The following BPIFB1 variants were observed in gnomAD, a reference collection of about 807,000 sequenced individuals.
BPIFB1 encodes the protein BPI fold containing family B member 1, also known as BPI fold-containing family B member 1.
In BPIFB1, 34 loss-of-function variants were observed where a neutral mutation model predicts 55.1. The ratio of observed to expected loss-of-function variants is 0.62; its 90% CI spans 0.47 to 0.82. The LOEUF (loss-of-function observed/expected upper bound fraction) is 0.82. BPIFB1 is among the 40% of genes least tolerant of loss of function. The pLI, the probability that BPIFB1 is intolerant of heterozygous loss-of-function variation, is 0.00. For synonymous variants in BPIFB1, 236 were observed against 245.3 expected (o/e 0.96, Z 0.35); for missense variants, 532 against 593.1 (o/e 0.90, Z 1.07).
At chr20:33,304,388 G>C (rs1224986959) in intron 12 of BPIFB1, among the ~76,000 whole-genome samples, 2 of 152,232 alleles carry the variant, frequency 1.3e-5, no homozygotes, top group Non-Finnish European at 2.9e-5. Flanking sequence ...AGTGAGTGCA[G>C]GGGCTGCCAG....
chr20:33,285,219 G>T (rs2146524451), intron 1 of BPIFB1, among the ~76,000 whole-genome samples: 1 of 152,206 alleles, frequency 6.6e-6, no homozygotes, highest in Admixed American at 6.5e-5. Flanking sequence ...AAGAGCAAAG[G>T]CACGGACACA....
intron 3 of BPIFB1, 149 bp from the exon 4 acceptor site, chr20:33,289,736 G>C (rs1480657678): frequency 1.5e-6 from 1 of 676,628 alleles, no homozygotes; most frequent in South Asian, 1.7e-5. Flanking sequence ...GAGGGATGGA[G>C]GCAAGACCAT....
At chr20:33,291,135 C>T in intron 5 of BPIFB1, 29 bp downstream of exon 5, 1 of 1,604,548 alleles carries the variant, frequency 6.2e-7, no homozygotes, top group Non-Finnish European at 8.5e-7. Context: ...CAGCCGGGCT[C>T]CCATCCTGCC....
chr20:33,299,525 G>T (rs573153519), intron 7 of BPIFB1, among the ~76,000 whole-genome samples: 2 of 152,322 alleles, frequency 1.3e-5, no homozygotes, highest in South Asian at 4.2e-4. Flanking sequence ...CAATAGTTCA[G>T]TTCCGTTCCA....
Position 33,302,598 on chromosome 20 carries a change from T to G in BPIFB1, c.981+186T>G, listed in dbSNP as rs1460050343. ...GACCTGAAGCAAATCATCACATGGA[T>G]AGTATTTCCATTACAGCTGCAGTAA... On this transcript the variant is annotated intron_variant, in intron 10 of 15. Coordinates refer to ENST00000253354, the MANE Select transcript of BPIFB1 (RefSeq NM_033197.3). 17 of 684,380 alleles carry G rather than the reference T, an allele frequency of 2.5e-5. No homozygotes were observed. In the Admixed American group the frequency reaches 3.7e-4, roughly 15 times the overall value. The allele number at this position is 684,380 out of a possible 1,614,324, so 42.4% of individuals were successfully genotyped here. A position where few individuals can be genotyped will look rare whatever the true frequency, so the allele number is the denominator to read the frequency against.
At chr20:33,307,066 C>T (rs527824053) in intron 15 of BPIFB1, 79 bp downstream of exon 15, 211 of 1,310,254 alleles carry the variant, frequency 1.6e-4, no homozygotes, top group African/African-American at 1.0e-3. Flanking sequence ...GTGGGGCCTG[C>T]ACTCCAACCC....
chr20:33,300,797 A>G (rs1233965066), intron 8 of BPIFB1, among the ~76,000 whole-genome samples: 1 of 152,170 alleles, frequency 6.6e-6, no homozygotes, highest in Non-Finnish European at 1.5e-5. Context: ...CATGTTGCCC[A>G]GGCTGGTCTC....
chr20:33,301,276 A>G lies in BPIFB1; in HGVS notation c.791A>G (p.Asn264Ser), dbSNP rs1176491192. 1 of 1,614,224 alleles carries G rather than the reference A, an allele frequency of 6.2e-7. No homozygotes were observed. Among genetic ancestry groups the G allele is most frequent in the Non-Finnish European group, 8.5e-7 (1 of 1,180,038 alleles). ...CAGGGAAAGGTGACCAAGTGGTTCA[A>G]TAACTCTGCAGCTTCCCTGACAATG... The part of the protein sequence containing the change: ...DSQGKVTKWF[N>S]NSAASLTMPT... Residue 264 changes from asparagine (N) to serine (S), a missense_variant, in exon 9 of 16, where the codon AAT becomes AGT. By Grantham distance (46) the Asn-to-Ser change is conservative (BLOSUM62 1). Coordinates refer to ENST00000253354, the MANE Select transcript of BPIFB1 (RefSeq NM_033197.3).
rs142612737 is a variant in BPIFB1 at position 33,306,964 on chromosome 20, G to A, written c.1372G>A (p.Ala458Thr). 2.4e-4 allele frequency: 383 copies of A among 1,614,208 alleles called. No individual in the cohort carries two copies. Among genetic ancestry groups the A allele is most frequent in the Middle Eastern group, 1.3e-3 (8 of 6,062 alleles). ...ATTGGTGAAGGCCTTGGGATTCGAGGCAGCTGAGTCCTCACTGACCAAGGT... is the reference window on the plus strand; with the variant it reads ...ATTGGTGAAGGCCTTGGGATTCGAGACAGCTGAGTCCTCACTGACCAAGGT... ...VSLVKALGFEAAESSLTKDAL... is the reference protein window; with the variant it reads ...VSLVKALGFETAESSLTKDAL... Residue 458 changes from alanine to threonine, a missense_variant, in exon 15 of 16, where the codon GCA becomes ACA. Coordinates refer to ENST00000253354, the MANE Select transcript of BPIFB1 (RefSeq NM_033197.3).
intron 10 of BPIFB1, chr20:33,302,642 G>T (rs1980890088): frequency 1.6e-6 from 1 of 635,600 alleles, no homozygotes; most frequent in Non-Finnish European, 2.8e-6. Flanking sequence ...AGGTTCTAGG[G>T]GCCATGAGAA....
chr20:33,290,881 G>A (rs1212432132), intron 4 of BPIFB1, 76 bp from the exon 5 acceptor site: 1 of 1,525,258 alleles, frequency 6.6e-7, no homozygotes. Flanking sequence ...AGGGCTGGAA[G>A]ACAGAGACGG....
chr20:33,302,546 A>G (rs902407135), intron 10 of BPIFB1, 134 bp downstream of exon 10: 7 of 978,948 alleles, frequency 7.2e-6, no homozygotes, highest in Non-Finnish European at 1.1e-5. Flanking sequence ...CTGTCCGCAC[A>G]GAGATTTCAG....
At chr20:33,308,861 TACAC>T (rs1981136760) in intron 15 of BPIFB1, among the ~76,000 whole-genome samples, 1 of 137,406 alleles carries the variant, frequency 7.3e-6, no homozygotes, top group South Asian at 2.3e-4. Context: ...ACCACACACA[TACAC>T]ACTACACACA....
Position 33,305,316 on chromosome 20 carries a change from C to CTTT in BPIFB1, c.1254+442_1254+444dup, listed in dbSNP as rs34490442. Reference sequence around the variant, plus strand: ...ATGATTTGTTTTTCACTATTTTTGACTTTTTTTTTTTTTTTTTTTGAGATG... The same window carrying CTTT: ...ATGATTTGTTTTTCACTATTTTTGACTTTTTTTTTTTTTTTTTTTTTTGAGATG... On this transcript the variant is annotated intron_variant, in intron 13 of 15. Transcript: ENST00000253354. Among the ~76,000 whole-genome samples, 124 of 106,148 alleles carry CTTT rather than the reference C, an allele frequency of 1.2e-3. 8 individuals are homozygous for CTTT. Among genetic ancestry groups the CTTT allele is most frequent in the African/African-American group, 3.2e-3 (84 of 26,108 alleles). The allele number at this position is 106,148 out of a possible 152,430, so 69.6% of individuals were successfully genotyped here. A position where few individuals can be genotyped will look rare whatever the true frequency, so the allele number is the denominator to read the frequency against.
At chr20:33,297,460 CG>C (rs1456932690) in intron 6 of BPIFB1, 64 bp from the exon 7 acceptor site, 20 of 1,560,612 alleles carry the variant, frequency 1.3e-5, no homozygotes, top group Non-Finnish European at 1.8e-5. Flanking sequence ...GGGCACAGCC[CG>C]GGGCTGCTGT....
At chr20:33,307,551 C>G (rs554440653) in intron 15 of BPIFB1, 1 of 155,842 alleles carries the variant, frequency 6.4e-6, no homozygotes, top group Admixed American at 6.4e-5. Flanking sequence ...AGGGGTGAGC[C>G]CTGTGGGTAG....
intron 7 of BPIFB1, chr20:33,299,220 C>T: frequency 2.2e-6 from 1 of 454,960 alleles, no homozygotes; most frequent in Non-Finnish European, 4.4e-6. Flanking sequence ...GGAGGTCTCC[C>T]TGGAGCGGTA....
intron 6 of BPIFB1, among the ~76,000 whole-genome samples, chr20:33,292,479 G>A (rs1020758845): frequency 4.6e-5 from 7 of 152,134 alleles, no homozygotes; most frequent in Non-Finnish European, 7.4e-5. Context: ...GAAGCAATGC[G>A]TTTTAAATTT....
chr20:33,306,775 C>A, intron 14 of BPIFB1, 136 bp from the exon 15 acceptor site: 1 of 734,296 alleles, frequency 1.4e-6, no homozygotes, highest in Admixed American at 1.9e-5. Flanking sequence ...GGCCAGAGAA[C>A]AGGCGAGCAG....
Sources: gnomAD v4.1 joint callset for allele counts (sites outside exome capture counted in the v4.1 genomes callset) on GRCh38, gnomAD v4.1.1 for gene constraint, MANE v1.5 for transcripts, NCBI Gene and HGNC (gene_info 2026-07-23, HGNC 2026-07-21) for gene names.